SLC22A23: variants seen among roughly 807,000 people sequenced by gnomAD.
The protein encoded by SLC22A23 is ion transporter protein.
A neutral mutation model predicts 61.0 loss-of-function variants in SLC22A23; 26 were observed. The observed-to-expected ratio is 0.43, with a 90% CI of 0.31 to 0.59. The LOEUF is 0.59. SLC22A23 is among the 20% of genes least tolerant of loss of function. The probability of loss-of-function intolerance (pLI) is 0.11; values close to 1 mark genes in which losing one functional copy is unlikely to be tolerated. For synonymous variants in SLC22A23, 430 were observed against 413.9 expected (o/e 1.04, Z -0.47); for missense variants, 796 against 934.7 (o/e 0.85, Z 1.94).
At chr6:3,303,939 C>T (rs369096468) in intron 4 of SLC22A23, among the ~76,000 whole-genome samples, 6 of 152,316 alleles carry the variant, frequency 3.9e-5, no homozygotes, top group African/African-American at 1.2e-4. Context: ...TCACTATGTA[C>T]CCCATAAATA....
chr6:3,426,578 A>C (rs1396467856), intron 1 of SLC22A23, among the ~76,000 whole-genome samples: 1 of 152,230 alleles, frequency 6.6e-6, no homozygotes, highest in Non-Finnish European at 1.5e-5. Context: ...CATATGAATC[A>C]GAGTACCTGA....
chr6:3,397,917 T>A (rs1190386387), intron 3 of SLC22A23, among the ~76,000 whole-genome samples: 2 of 152,164 alleles, frequency 1.3e-5, no homozygotes, highest in African/African-American at 4.8e-5. Flanking sequence ...AGCACTGAGG[T>A]CAGCCCAACG....
intron 1 of SLC22A23, among the ~76,000 whole-genome samples, chr6:3,435,606 C>G (rs530460115): frequency 3.9e-5 from 6 of 152,056 alleles, no homozygotes; most frequent in Non-Finnish European, 8.8e-5. Context: ...ACGGAAAGCC[C>G]ACTTACTGCA....
At chr6:3,402,553 TCC>T (rs1768497942) in intron 3 of SLC22A23, among the ~76,000 whole-genome samples, 1 of 44,516 alleles carries the variant, frequency 2.2e-5, no homozygotes, top group African/African-American at 1.4e-4. Flanking sequence ...TGCAGCCCAC[TCC>T]AATCATCCAC....
chr6:3,363,044 A>G (rs1353655490), intron 3 of SLC22A23, among the ~76,000 whole-genome samples: 1 of 152,210 alleles, frequency 6.6e-6, no homozygotes, highest in African/African-American at 2.4e-5. Context: ...ACTCGGTGGG[A>G]CATCCCGCAG....
intron 1 of SLC22A23, among the ~76,000 whole-genome samples, chr6:3,435,867 A>C (rs1771176660): frequency 6.6e-6 from 1 of 152,192 alleles, no homozygotes; most frequent in Non-Finnish European, 1.5e-5. Context: ...AGGAGAGATG[A>C]GGACACAGAC....
intron 4 of SLC22A23, among the ~76,000 whole-genome samples, chr6:3,305,464 G>A (rs188474971): frequency 9.9e-5 from 15 of 152,228 alleles, no homozygotes; most frequent in Admixed American, 5.2e-4. Flanking sequence ...GACGCGCTCC[G>A]TGAATTTAAA....
intron 8 of SLC22A23, 29 bp from the exon 9 acceptor site, chr6:3,284,004 G>A: frequency 6.3e-7 from 1 of 1,585,380 alleles, no homozygotes; most frequent in East Asian, 2.3e-5. Flanking sequence ...AAGGTGGTGA[G>A]GGAAGAGAGG....
Position 3,318,742 on chromosome 6 carries a change from T to C in SLC22A23, c.1082+5092A>G, listed in dbSNP as rs976524082. Among the ~76,000 whole-genome samples, 5 of 152,186 alleles carry C rather than the reference T, an allele frequency of 3.3e-5. No homozygotes were observed. The highest frequency in any genetic ancestry group is 6.5e-5 in the Admixed American group (1 of 15,276). On this transcript the variant is annotated intron_variant, in intron 4 of 9. Coordinates refer to ENST00000406686, the MANE Select transcript of SLC22A23 (RefSeq NM_015482.2). The surrounding 1 kb of genome is among the most constrained non-coding windows in gnomAD (Gnocchi z 4.3). ...AGGCTGCGGCCTCAGTCAAGTCTCC[T>C]GGTCACCTCATCCTGTCACCCACCA...
At chr6:3,449,815 C>T (rs1489141993) in intron 1 of SLC22A23, among the ~76,000 whole-genome samples, 1 of 152,220 alleles carries the variant, frequency 6.6e-6, no homozygotes, top group Non-Finnish European at 1.5e-5. Flanking sequence ...AAATTTCTTA[C>T]ACGTGTGCAA....
intron 1 of SLC22A23, among the ~76,000 whole-genome samples, chr6:3,417,861 G>A (rs748792152): frequency 1.3e-5 from 2 of 152,224 alleles, no homozygotes; most frequent in African/African-American, 2.4e-5. Context: ...ATGCAGGGTC[G>A]TACAGCTAGG....
chr6:3,395,819 T>C (rs17249378), intron 3 of SLC22A23, among the ~76,000 whole-genome samples: 1 of 152,056 alleles, frequency 6.6e-6, no homozygotes, highest in Admixed American at 6.5e-5. Context: ...ATTCAACCCA[T>C]CATGAGTCAG....
At chr6:3,363,415 G>C (rs948856081) in intron 3 of SLC22A23, among the ~76,000 whole-genome samples, 1 of 152,248 alleles carries the variant, frequency 6.6e-6, no homozygotes, top group Admixed American at 6.5e-5. Context: ...TCGGGGGACT[G>C]TGACACCCCA....
chr6:3,279,786 CAG>C (rs1326927410), intron 9 of SLC22A23, among the ~76,000 whole-genome samples: 14 of 152,074 alleles, frequency 9.2e-5, no homozygotes, highest in African/African-American at 3.1e-4. Flanking sequence ...GATTTACGGA[CAG>C]AGAACCGAGG....
At chr6:3,273,934 T>C (rs1271502235) in intron 9 of SLC22A23, among the ~76,000 whole-genome samples, 1 of 152,228 alleles carries the variant, frequency 6.6e-6, no homozygotes. Context: ...AAGAGTAGTT[T>C]CCTCACTGTG....
At chr6:3,337,446 C>CTTT (rs112272605) in intron 3 of SLC22A23, among the ~76,000 whole-genome samples, 24 of 143,630 alleles carry the variant, frequency 1.7e-4, no homozygotes, top group Non-Finnish European at 2.1e-4. Flanking sequence ...TTACAATTCC[C>CTTT]TTTTTTTTTT....
At chr6:3,442,247 G>A (rs771106401) in intron 1 of SLC22A23, among the ~76,000 whole-genome samples, 11 of 152,148 alleles carry the variant, frequency 7.2e-5, no homozygotes, top group Admixed American at 2.6e-4. Flanking sequence ...AAGGTAGCGT[G>A]GGGTTGCCAG....
intron 4 of SLC22A23, among the ~76,000 whole-genome samples, chr6:3,321,546 T>C (rs2127395969): frequency 6.6e-6 from 1 of 152,206 alleles, no homozygotes; most frequent in East Asian, 1.9e-4. Flanking sequence ...TGCCTTACCT[T>C]GCCTATCACT....
At chr6:3,367,217 GC>G (rs1561929372) in intron 3 of SLC22A23, among the ~76,000 whole-genome samples, 1 of 152,188 alleles carries the variant, frequency 6.6e-6, no homozygotes, top group African/African-American at 2.4e-5. Flanking sequence ...CAGTCTCATG[GC>G]CCAGAGAAGG....
Sources: allele counts gnomAD v4.1 joint callset (sites outside exome capture counted in the v4.1 genomes callset), GRCh38; gene constraint gnomAD v4.1.1; non-coding constraint Gnocchi (gnomAD v3.1); transcripts MANE v1.5; gene names NCBI Gene and HGNC (gene_info 2026-07-23, HGNC 2026-07-21).